The following TAFA4 variants were observed in gnomAD, a reference collection of about 807,000 sequenced individuals.
TAFA4 encodes the protein chemokine-like protein TAFA-4.
Under a neutral mutation model 21.1 loss-of-function variants are expected in TAFA4, and 20 were observed. The observed-to-expected ratio is 0.95, with a 90% CI of 0.67 to 1.38. TAFA4 has a LOEUF of 1.38. Ranked by LOEUF, TAFA4 falls within the 40% of genes most tolerant of loss-of-function variation. The pLI, the probability that TAFA4 is intolerant of heterozygous loss-of-function variation, is 0.00. For missense variants in TAFA4, 211 were observed against 180.9 expected (o/e 1.17, Z -0.95); for synonymous variants, 71 against 67.4 (o/e 1.05, Z -0.26).
At chr3:68,737,039 T>C (rs994144040) in intron 5 of TAFA4, among the ~76,000 whole-genome samples, 45 of 152,322 alleles carry the variant, frequency 3.0e-4, no homozygotes, top group South Asian at 1.9e-3. Flanking sequence ...TTCCTGCAAA[T>C]GCCTTTTCTA....
At chr3:68,789,187 C>T (rs1010752694) in intron 3 of TAFA4, among the ~76,000 whole-genome samples, 8 of 150,642 alleles carry the variant, frequency 5.3e-5, no homozygotes, top group African/African-American at 9.8e-5. Flanking sequence ...GCTGGGATCG[C>T]GCCACTGCAC....
chr3:68,897,157 C>A (rs913676073), intron 1 of TAFA4, among the ~76,000 whole-genome samples: 7 of 152,152 alleles, frequency 4.6e-5, no homozygotes, highest in African/African-American at 1.7e-4. Flanking sequence ...CCGCCTCGAC[C>A]TCCCAAAGTG....
chr3:68,899,676 A>G (rs1214463998), intron 1 of TAFA4, among the ~76,000 whole-genome samples: 1 of 152,166 alleles, frequency 6.6e-6, no homozygotes, highest in Non-Finnish European at 1.5e-5. Flanking sequence ...GTATACCTAT[A>G]TAAGGAAATA....
intron 1 of TAFA4, among the ~76,000 whole-genome samples, chr3:68,896,306 G>A (rs2089788557): frequency 6.6e-6 from 1 of 152,128 alleles, no homozygotes; most frequent in Non-Finnish European, 1.5e-5. Flanking sequence ...CAGCTGCTGG[G>A]TAGAGAATGT....
Position 68,814,118 on chromosome 3 carries a change from C to A in TAFA4, c.131-61100G>T, listed in dbSNP as rs544039090. Among the ~76,000 whole-genome samples the A allele has an allele frequency of 2.8e-3, 429 of 152,218 alleles. 1 individual carries two copies. The highest frequency in any genetic ancestry group is 9.6e-3 in the African/African-American group (398 of 41,540). Reference sequence around the variant, plus strand: ...AAGGCCTTTGACAAAATTCAACAACCCTTCACGCTAAAAACTCTCAATAAA... The same window carrying A: ...AAGGCCTTTGACAAAATTCAACAACACTTCACGCTAAAAACTCTCAATAAA... On this transcript the variant is annotated intron_variant, in intron 3 of 5. Coordinates refer to ENST00000295569, the MANE Select transcript of TAFA4 (RefSeq NM_182522.5).
intron 3 of TAFA4, among the ~76,000 whole-genome samples, chr3:68,816,785 T>G (rs1272190374): frequency 7.0e-6 from 1 of 143,178 alleles, no homozygotes; most frequent in Non-Finnish European, 1.6e-5. Context: ...TATTTCCCCG[T>G]GCATATAAAA....
chr3:68,783,671 C>CAGAGAG lies in TAFA4; in HGVS notation c.131-30654_131-30653insCTCTCT, dbSNP rs796524736. Among the ~76,000 whole-genome samples the CAGAGAG allele has an allele frequency of 4.3e-3, 413 of 96,174 alleles. 3 individuals carry two copies. Among genetic ancestry groups the CAGAGAG allele is most frequent in the African/African-American group, 0.015 (334 of 22,620 alleles). The allele number at this position is 96,174 out of a possible 152,430, so 63.1% of individuals were successfully genotyped here. On this transcript the variant is annotated intron_variant, in intron 3 of 5. Transcript: ENST00000295569. ...CAAAGAAAAATCACAGACACACACACACAGAGAGAGAGAGAGAGAGAGAGA... is the reference window on the plus strand; with the variant it reads ...CAAAGAAAAATCACAGACACACACACAGAGAGACAGAGAGAGAGAGAGAGAGAGAGA...
intron 3 of TAFA4, among the ~76,000 whole-genome samples, chr3:68,772,008 A>G (rs1300872944): frequency 2.0e-5 from 3 of 151,466 alleles, no homozygotes; most frequent in Non-Finnish European, 4.4e-5. Flanking sequence ...CAAAATAAGT[A>G]TAAAAGGGAG....
intron 3 of TAFA4, among the ~76,000 whole-genome samples, chr3:68,836,323 G>A (rs1193256897): frequency 6.6e-6 from 1 of 152,202 alleles, no homozygotes; most frequent in Non-Finnish European, 1.5e-5. Flanking sequence ...TGAGAAGAGA[G>A]TGGTGGCTCA....
intron 1 of TAFA4, among the ~76,000 whole-genome samples, chr3:68,926,619 A>G (rs1171335234): frequency 6.6e-6 from 1 of 152,126 alleles, no homozygotes; most frequent in East Asian, 1.9e-4. Context: ...TTTGAATCAA[A>G]TAATTCTTTG....
intron 3 of TAFA4, among the ~76,000 whole-genome samples, chr3:68,869,803 C>G (rs560188615): frequency 6.6e-6 from 1 of 152,042 alleles, no homozygotes; most frequent in African/African-American, 2.4e-5. Context: ...TGGAATAAGA[C>G]AAGGATGCAC....
intron 5 of TAFA4, among the ~76,000 whole-genome samples, 153 bp from the exon 6 acceptor site, chr3:68,733,306 C>A (rs1702185503): frequency 6.6e-6 from 1 of 151,936 alleles, no homozygotes; most frequent in Non-Finnish European, 1.5e-5. Flanking sequence ...AGTTCAAATT[C>A]TGCTTTGCAG....
At chr3:68,768,924 G>A (rs1056967299) in intron 3 of TAFA4, among the ~76,000 whole-genome samples, 2 of 152,148 alleles carry the variant, frequency 1.3e-5, no homozygotes, top group Non-Finnish European at 2.9e-5. Flanking sequence ...GGGAACCAGA[G>A]CTAAGAATAG....
Position 68,732,832 on chromosome 3 carries a change from C to T in TAFA4, c.*310G>A, listed in dbSNP as rs1032097681. 1.1e-4 allele frequency: 38 copies of T among 349,764 alleles called. No individual in the cohort carries two copies. Among genetic ancestry groups the T allele is most frequent in the African/African-American group, 6.5e-4 (31 of 47,886 alleles). The allele number at this position is 349,764 out of a possible 1,614,324, so 21.7% of individuals were successfully genotyped here. On this transcript the variant is annotated 3_prime_UTR_variant, in exon 6 of 6. Coordinates refer to ENST00000295569, the MANE Select transcript of TAFA4 (RefSeq NM_182522.5). ...AAGCAGAAAGAAAGTGAAGAATGAA[C>T]ATGCCCTTAGTGGTGATCCATTTTG... is the stretch of plus-strand genomic sequence containing the variant.
chr3:68,844,044 G>A (rs1360002726), intron 3 of TAFA4, among the ~76,000 whole-genome samples: 1 of 152,138 alleles, frequency 6.6e-6, no homozygotes, highest in African/African-American at 2.4e-5. Context: ...AATGAGTTAG[G>A]GAGGAGTCCC....
At chr3:68,909,543 C>T (rs542168630) in intron 1 of TAFA4, among the ~76,000 whole-genome samples, 34 of 152,188 alleles carry the variant, frequency 2.2e-4, no homozygotes, top group Admixed American at 5.9e-4. Flanking sequence ...ATGAATTCCC[C>T]GCCTCCCCAA....
chr3:68,805,952 T>A, intron 3 of TAFA4, among the ~76,000 whole-genome samples: 1 of 150,586 alleles, frequency 6.6e-6, no homozygotes, highest in African/African-American at 2.5e-5. Context: ...ACTTAAAGTA[T>A]AATAATAACA....
chr3:68,815,168 A>G (rs1304820337), intron 3 of TAFA4, among the ~76,000 whole-genome samples: 1 of 152,216 alleles, frequency 6.6e-6, no homozygotes, highest in East Asian at 1.9e-4. Context: ...TTAATTCAGG[A>G]TGGATTAAAG....
At chr3:68,906,491 A>G (rs2089902090) in intron 1 of TAFA4, among the ~76,000 whole-genome samples, 1 of 152,226 alleles carries the variant, frequency 6.6e-6, no homozygotes. Context: ...GCCTTCTGAG[A>G]CAGGGACTCC....
Sources: gnomAD v4.1 joint callset for allele counts (sites outside exome capture counted in the v4.1 genomes callset) on GRCh38, gnomAD v4.1.1 for gene constraint, MANE v1.5 for transcripts, NCBI Gene and HGNC (gene_info 2026-07-23, HGNC 2026-07-21) for gene names.